The following FBXO40 variants were observed in gnomAD, a reference collection of about 807,000 sequenced individuals.
FBXO40 encodes the protein F-box protein 40, also known as F-box only protein 40.
In FBXO40, 50 loss-of-function variants were observed where a neutral mutation model predicts 49.9. The observed-to-expected ratio is 1.00, with a 90% CI of 0.80 to 1.27. FBXO40 has a LOEUF of 1.27. FBXO40 is among the 50% of genes most tolerant of loss of function. The pLI, the probability that FBXO40 is intolerant of heterozygous loss-of-function variation, is 0.00. For missense variants in FBXO40, 895 were observed against 870.1 expected, an observed-to-expected ratio of 1.03 and a Z score of -0.36; for synonymous variants, 340 against 320.2, an observed-to-expected ratio of 1.06 and a Z score of -0.66.
At chr3:121,606,401 C>T (rs927152041) in intron 1 of FBXO40, among the ~76,000 whole-genome samples, 2 of 152,152 alleles carry the variant, frequency 1.3e-5, no homozygotes, top group African/African-American at 4.8e-5. Context: ...AGTTTAACTG[C>T]TATTGGAGTG....
intron 2 of FBXO40, among the ~76,000 whole-genome samples, chr3:121,621,193 C>CT (rs1005342181): frequency 1.1e-4 from 17 of 152,300 alleles, no homozygotes; most frequent in Non-Finnish European, 2.2e-4. Context: ...ATATTCAATT[C>CT]TTTTTTTCCT....
intron 1 of FBXO40, among the ~76,000 whole-genome samples, chr3:121,611,576 A>G (rs2048965759): frequency 6.6e-6 from 1 of 152,222 alleles, no homozygotes; most frequent in Non-Finnish European, 1.5e-5. Context: ...ATCAGGTTTT[A>G]TACCGAGACA....
intron 3 of FBXO40, 151 bp downstream of exon 3, chr3:121,623,494 C>A: frequency 1.5e-6 from 1 of 650,214 alleles, no homozygotes; most frequent in South Asian, 2.0e-5. Context: ...TTGCCTCAGT[C>A]TTCCAAGTAG....
Position 121,626,743 on chromosome 3 carries a change from A to G in FBXO40, c.1963A>G (p.Asn655Asp). ...LFSKIKSWEF[N>D]EVTSMSEHLK... ...CTCCAAAATCAAGAGCTGGGAGTTT[A>G]ATGAAGTCACCTCCATGTCTGAGCA... The change falls in exon 4 of 4, where the codon AAT becomes GAT. Residue 655 changes from asparagine to aspartate, a missense_variant. Transcript: ENST00000338040. 6.2e-7 allele frequency: 1 copy of G among 1,614,114 alleles called. No homozygotes were observed. Among genetic ancestry groups the G allele is most frequent in the Non-Finnish European group, 8.5e-7 (1 of 1,180,010 alleles).
Position 121,622,641 on chromosome 3 carries a change from G to A in FBXO40, c.1212G>A (p.Leu404=), listed in dbSNP as rs758317619. 21 of 1,614,168 alleles carry A rather than the reference G, an allele frequency of 1.3e-5. No individual in the cohort carries two copies. The South Asian group carries it at 2.2e-4, about 17-fold the overall frequency. Residue 404 remains leucine, a synonymous_variant, in exon 3 of 4, where the codon TTG becomes TTA. Coordinates refer to ENST00000338040, the MANE Select transcript of FBXO40 (RefSeq NM_016298.4). ...DLIKTTLQCA[L]ERELKGHVIS... is the part of the protein sequence containing the mutation. Reference sequence around the variant, plus strand: ...TCAAGACCACCCTCCAGTGTGCTTTGGAAAGAGAACTCAAAGGCCACGTCA... The same window carrying A: ...TCAAGACCACCCTCCAGTGTGCTTTAGAAAGAGAACTCAAAGGCCACGTCA...
At chr3:121,605,346 T>C (rs2048926602) in intron 1 of FBXO40, among the ~76,000 whole-genome samples, 1 of 152,224 alleles carries the variant, frequency 6.6e-6, no homozygotes, top group South Asian at 2.1e-4. Flanking sequence ...TGGTGCCACA[T>C]ATCCAATGAG....
At position 121,622,884 on chromosome 3, in the gene FBXO40, G is replaced by A. The variant is rs750183156; in HGVS notation, c.1455G>A (p.Arg485=). ...TCACTTGCAACAAATTCTTCAGGAG[G>A]GATGAGTTCCCCCTGCACTTCAAGA... ...FTFTCNKFFR[R]DEFPLHFKNV... The change falls in exon 3 of 4, where the codon AGG becomes AGA. Residue 485 remains arginine, a synonymous_variant. Transcript: ENST00000338040. 1 of 1,614,122 alleles carries A rather than the reference G, an allele frequency of 6.2e-7. No individual in the cohort carries two copies.
intron 1 of FBXO40, among the ~76,000 whole-genome samples, chr3:121,616,980 A>C (rs1412660660): frequency 6.6e-6 from 1 of 152,150 alleles, no homozygotes; most frequent in African/African-American, 2.4e-5. Context: ...GGAGGTAGAG[A>C]GTGAATGATA....
At chr3:121,613,057 A>G (rs1337047124) in intron 1 of FBXO40, among the ~76,000 whole-genome samples, 5 of 146,602 alleles carry the variant, frequency 3.4e-5, no homozygotes, top group Admixed American at 7.0e-5. Context: ...GCGACAGAGC[A>G]AGACTCCGTC....
At position 121,625,715 on chromosome 3, in the gene FBXO40, G is replaced by A. The variant is rs540276032; in HGVS notation, c.1915-980G>A. On this transcript the variant is annotated intron_variant, in intron 3 of 3. Coordinates refer to ENST00000338040, the MANE Select transcript of FBXO40 (RefSeq NM_016298.4). ...ACCACTCTCAGATATTATTTGGGAC[G>A]AGCTAATTTCCTTGCAGAAAGAAAT... Among the ~76,000 whole-genome samples the A allele has an allele frequency of 1.2e-4, 19 of 152,262 alleles. No homozygotes were observed. In the South Asian group the frequency reaches 1.9e-3, roughly 15 times the overall value.
Position 121,622,002 on chromosome 3 carries a change from G to A in FBXO40, c.573G>A (p.Glu191=). 1 of 1,614,244 alleles carries A rather than the reference G, an allele frequency of 6.2e-7. No homozygotes were observed. Among genetic ancestry groups the A allele is most frequent in the Non-Finnish European group, 8.5e-7 (1 of 1,180,040 alleles). Residue 191 remains glutamate, a synonymous_variant, in exon 3 of 4, where the codon GAG becomes GAA. Transcript: ENST00000338040. ...VPHGLSATNG[E]MAELSQEERE... is the part of the protein sequence containing the mutation. ...ATGGTCTGTCAGCAACTAATGGGGA[G>A]ATGGCAGAGCTAAGTCAAGAAGAAC... is the stretch of plus-strand genomic sequence containing the variant.
In FBXO40 at chr3:121,593,477, A is replaced by G. The variant is rs2048854475; in HGVS notation, c.-56A>G. 1 of 152,316 alleles carries G rather than the reference A, an allele frequency of 6.6e-6. No homozygotes were observed. The highest frequency in any genetic ancestry group is 2.1e-4 in the South Asian group (1 of 4,822). The allele number at this position is 152,316 out of a possible 1,614,324, so 9.4% of individuals were successfully genotyped here. A position where few individuals can be genotyped will look rare whatever the true frequency, so the allele number is the denominator to read the frequency against. On this transcript the variant is annotated 5_prime_UTR_variant, in exon 1 of 4. It removes an upstream start codon present in the reference 5' UTR. Transcript: ENST00000338040. ...CAATCAAGGGTTCAGGTGCAAGCAG[A>G]TGCTGACTCAGCCTGTTCCATTAAG... is the stretch of plus-strand genomic sequence containing the variant.
At chr3:121,599,630 A>G (rs1009705646) in intron 1 of FBXO40, among the ~76,000 whole-genome samples, 2 of 149,844 alleles carry the variant, frequency 1.3e-5, no homozygotes, top group Non-Finnish European at 3.0e-5. Flanking sequence ...TTCATTTTAA[A>G]TATCAGAATC....
chr3:121,616,081 C>A (rs552383561), intron 1 of FBXO40, among the ~76,000 whole-genome samples: 9 of 152,134 alleles, frequency 5.9e-5, no homozygotes, highest in Non-Finnish European at 1.3e-4. Flanking sequence ...ACAGTCCAAC[C>A]CTCTCAGCCA....
At chr3:121,612,862 A>G (rs2331816) in intron 1 of FBXO40, among the ~76,000 whole-genome samples, 124,991 of 151,800 alleles carry the variant, frequency 0.82, 51,529 homozygotes, top group East Asian at 0.92. Context: ...GAGGTCAGTG[A>G]ATCGAGGCCA....
At position 121,621,736 on chromosome 3, in the gene FBXO40, C is replaced by A; in HGVS notation, c.307C>A (p.Pro103Thr). ...CTGCTCCATGGAGTGGAACCGCTGG[C>A]CAAATGTGGACTCTGAAACCACCCT... ...VCCSMEWNRW[P>T]NVDSETTLHE... The change falls in exon 3 of 4, where the codon CCA (proline) becomes ACA (threonine). Residue 103 changes from proline (P) to threonine (T), a missense_variant. Physicochemically the swap from Pro to Thr is conservative, Grantham distance 38. Coordinates refer to ENST00000338040, the MANE Select transcript of FBXO40 (RefSeq NM_016298.4). 1.2e-6 allele frequency: 2 copies of A among 1,614,206 alleles called. No homozygotes were observed. The highest frequency in any genetic ancestry group is 3.3e-5 in the Admixed American group (2 of 60,022).
chr3:121,604,648 A>G (rs1450748356), intron 1 of FBXO40, among the ~76,000 whole-genome samples: 2 of 152,232 alleles, frequency 1.3e-5, no homozygotes, highest in African/African-American at 2.4e-5. Context: ...TATATACAAT[A>G]TTTGATTCTG....
Position 121,622,698 on chromosome 3 carries a change from C to A in FBXO40, c.1269C>A (p.Phe423Leu). Residue 423 changes from phenylalanine (F) to leucine (L), a missense_variant, in exon 3 of 4, where the codon TTC (phenylalanine) becomes TTA (leucine). By Grantham distance (22) the Phe-to-Leu change is conservative (BLOSUM62 0). Coordinates refer to ENST00000338040, the MANE Select transcript of FBXO40 (RefSeq NM_016298.4). ...AATCCAGAAGCATTGATGGACTGTT[C>A]ATGGATTTTGCCACACAAACATACA... ...ISESRSIDGL[F>L]MDFATQTYNF... 2 of 1,614,198 alleles carry A rather than the reference C, an allele frequency of 1.2e-6. No individual in the cohort carries two copies. Among genetic ancestry groups the A allele is most frequent in the Non-Finnish European group, 1.7e-6 (2 of 1,180,038 alleles).
At chr3:121,597,870 C>A (rs1287006983) in intron 1 of FBXO40, among the ~76,000 whole-genome samples, 1 of 152,010 alleles carries the variant, frequency 6.6e-6, no homozygotes, top group Non-Finnish European at 1.5e-5. Flanking sequence ...TCCATGTTGG[C>A]CAGGCTGGTG....
Sources: allele counts gnomAD v4.1 joint callset (sites outside exome capture counted in the v4.1 genomes callset), GRCh38; gene constraint gnomAD v4.1.1; transcripts MANE v1.5; gene names NCBI Gene and HGNC (gene_info 2026-07-23, HGNC 2026-07-21).